UBR3: variants seen among roughly 807,000 people sequenced by gnomAD.
The protein encoded by UBR3 is ubiquitin protein ligase E3 component n-recognin 3.
UBR3 carries 85 observed loss-of-function variants against 243.2 expected under a neutral mutation model. The ratio of observed to expected loss-of-function variants is 0.35; its 90% CI spans 0.29 to 0.42. The LOEUF is 0.42. UBR3 is among the 10% of genes least tolerant of loss of function. UBR3 has a pLI of 1.00. For missense variants in UBR3, 1,686 were observed against 2,300.8 expected, an observed-to-expected ratio of 0.73 and a Z score of 5.47; for synonymous variants, 748 against 799.8, an observed-to-expected ratio of 0.94 and a Z score of 1.09.
At chr2:169,926,395 C>G (rs1428465183) in intron 14 of UBR3, among the ~76,000 whole-genome samples, 1 of 152,142 alleles carries the variant, frequency 6.6e-6, no homozygotes, top group Non-Finnish European at 1.5e-5. Context: ...TGAGACCAGC[C>G]TGGCCAACAC....
intron 5 of UBR3, among the ~76,000 whole-genome samples, chr2:169,881,077 C>G (rs972953697): frequency 1.3e-5 from 2 of 152,154 alleles, no homozygotes; most frequent in African/African-American, 4.8e-5. Context: ...CCCCTAGTCT[C>G]TCATAATACA....
chr2:169,950,665 ATGTGGGGTT>A (rs1185986420), intron 23 of UBR3, among the ~76,000 whole-genome samples: 1 of 151,642 alleles, frequency 6.6e-6, no homozygotes, highest in Non-Finnish European at 1.5e-5. Context: ...ATACTATGTT[ATGTGGGGTT>A]TGTGGGTCAA....
rs140497561 is a variant in UBR3, at chr2:169,952,227, C to A, written c.3545+2162C>A. On this transcript the variant is annotated intron_variant, in intron 23 of 38. Coordinates refer to ENST00000272793, the MANE Select transcript of UBR3 (RefSeq NM_172070.4). ...ACAAAGGTGACTGACGAAGGGATGG[C>A]TGAGCAGAGTAAGAGAAAAACTGGG... Among the ~76,000 whole-genome samples the A allele has an allele frequency of 2.2e-3, 341 of 152,178 alleles. 1 individual carries two copies. Among genetic ancestry groups the A allele is most frequent in the African/African-American group, 7.7e-3 (320 of 41,518 alleles).
intron 24 of UBR3, among the ~76,000 whole-genome samples, chr2:169,970,413 C>T (rs1353362984): frequency 5.8e-5 from 8 of 137,840 alleles, no homozygotes; most frequent in Non-Finnish European, 1.1e-4. Flanking sequence ...CATGCTGGTG[C>T]GCTGCACCCA....
intron 5 of UBR3, among the ~76,000 whole-genome samples, chr2:169,890,550 T>TATACATATATATAC (rs2084306419): frequency 4.3e-5 from 1 of 23,414 alleles, no homozygotes; most frequent in Admixed American, 6.7e-4. Flanking sequence ...GATATATATA[T>TATACATATATATAC]ATATATATAT....
chr2:169,838,709 C>T (rs2082195988), intron 1 of UBR3, among the ~76,000 whole-genome samples: 1 of 152,164 alleles, frequency 6.6e-6, no homozygotes, highest in Non-Finnish European at 1.5e-5. Flanking sequence ...CAAATACATT[C>T]ATTCCATTCC....
At chr2:169,974,113 T>C (rs1379511991) in intron 24 of UBR3, among the ~76,000 whole-genome samples, 1 of 152,234 alleles carries the variant, frequency 6.6e-6, no homozygotes, top group Admixed American at 6.5e-5. Flanking sequence ...TCTGTGTTCA[T>C]CAGGGATATT....
rs114071100 is a variant in UBR3, at chr2:170,059,698, G to T, written c.4786-1381G>T. ...GTCACATGATATAAGGAGAACCACCGCAGAGTCAGAGTCGTTTTTATAGTT... is the reference window on the plus strand; with the variant it reads ...GTCACATGATATAAGGAGAACCACCTCAGAGTCAGAGTCGTTTTTATAGTT... On this transcript the variant is annotated intron_variant, in intron 33 of 38. Coordinates refer to ENST00000272793, the MANE Select transcript of UBR3 (RefSeq NM_172070.4). Among the ~76,000 whole-genome samples the T allele has an allele frequency of 7.8e-3, 1,185 of 152,122 alleles. 13 individuals carry two copies. The highest frequency in any genetic ancestry group is 0.026 in the African/African-American group (1,071 of 41,516).
intron 17 of UBR3, among the ~76,000 whole-genome samples, chr2:169,928,007 G>T (rs969683268): frequency 1.3e-5 from 2 of 152,212 alleles, no homozygotes; most frequent in African/African-American, 4.8e-5. Context: ...AATTCTGGCC[G>T]AATTTAGTAT....
intron 1 of UBR3, among the ~76,000 whole-genome samples, chr2:169,837,175 A>C (rs2082137370): frequency 6.6e-6 from 1 of 152,220 alleles, no homozygotes; most frequent in African/African-American, 2.4e-5. Flanking sequence ...CTGTTTTCGC[A>C]CTGCTATAAA....
chr2:169,877,761 G>C, intron 4 of UBR3, 124 bp downstream of exon 4: 1 of 986,086 alleles, frequency 1.0e-6, no homozygotes, highest in Non-Finnish European at 1.4e-6. Flanking sequence ...TTCTTTTTAA[G>C]AAAAGTAATA....
intron 7 of UBR3, among the ~76,000 whole-genome samples, chr2:169,895,864 A>T (rs568714129): frequency 6.6e-6 from 1 of 152,276 alleles, no homozygotes; most frequent in East Asian, 1.9e-4. Context: ...AGCTCGGTGT[A>T]TGAAAAGAAA....
intron 25 of UBR3, among the ~76,000 whole-genome samples, chr2:169,988,814 AAAAG>A (rs1051527831): frequency 6.6e-6 from 1 of 152,116 alleles, no homozygotes; most frequent in African/African-American, 2.4e-5. Flanking sequence ...AAAAAAGAAA[AAAAG>A]AAACTGACAT....
intron 32 of UBR3, among the ~76,000 whole-genome samples, chr2:170,049,303 TAAGTGG>T (rs1190276571): frequency 6.6e-6 from 1 of 152,228 alleles, no homozygotes; most frequent in Non-Finnish European, 1.5e-5. Flanking sequence ...TACTATTCAT[TAAGTGG>T]AAGTGGATCA....
chr2:169,888,337 A>G (rs1017041468), intron 5 of UBR3, among the ~76,000 whole-genome samples: 2 of 144,122 alleles, frequency 1.4e-5, no homozygotes. Flanking sequence ...CGGGGTTTCA[A>G]CATACAGGTC....
At chr2:170,075,202 T>TA (rs914101065) in intron 36 of UBR3, among the ~76,000 whole-genome samples, 5 of 151,848 alleles carry the variant, frequency 3.3e-5, no homozygotes, top group East Asian at 1.9e-4. Context: ...ACCCTTTTTT[T>TA]AAAAAAAAAG....
intron 6 of UBR3, among the ~76,000 whole-genome samples, chr2:169,892,155 G>A (rs2084400824): frequency 6.6e-6 from 1 of 152,170 alleles, no homozygotes; most frequent in African/African-American, 2.4e-5. Flanking sequence ...ATTTAACTTG[G>A]GGGTTGCTAG....
intron 1 of UBR3, among the ~76,000 whole-genome samples, chr2:169,855,534 T>G (rs545059993): frequency 8.6e-5 from 13 of 152,026 alleles, no homozygotes; most frequent in Non-Finnish European, 1.5e-4. Context: ...TACTTGAGAT[T>G]AGGGAGTGGT....
intron 37 of UBR3, 89 bp downstream of exon 37, chr2:170,080,112 C>A: frequency 8.4e-7 from 1 of 1,186,050 alleles, no homozygotes; most frequent in Non-Finnish European, 1.2e-6. Flanking sequence ...ATTAACTACT[C>A]TTTGAATTAA....
Sources: allele counts gnomAD v4.1 joint callset (sites outside exome capture counted in the v4.1 genomes callset), GRCh38; gene constraint gnomAD v4.1.1; transcripts MANE v1.5; gene names NCBI Gene and HGNC (gene_info 2026-07-23, HGNC 2026-07-21).